Variants in CHRDL1 observed in about 807,000 individuals in gnomAD.
CHRDL1 encodes the protein chordin like 1.
A neutral mutation model predicts 40.9 loss-of-function variants in CHRDL1; 19 were observed. The observed-to-expected ratio is 0.46, with a 90% CI of 0.32 to 0.68. The LOEUF is 0.68. Among genes scored for constraint, CHRDL1 ranks in the 30% least tolerant of loss-of-function variants. CHRDL1 has a pLI of 0.03. For synonymous variants in CHRDL1, 136 were observed against 123.4 expected, an observed-to-expected ratio of 1.10 and a Z score of -0.68; for missense variants, 329 against 352.1, an observed-to-expected ratio of 0.93 and a Z score of 0.53.
chrX:110,709,122 T>G (rs1037000058), intron 6 of CHRDL1, among the ~76,000 whole-genome samples: 2 of 112,631 alleles, frequency 1.8e-5, no homozygotes, highest in Non-Finnish European at 3.7e-5. Context: ...ATTGCTAAAA[T>G]GGAGACAATA....
At position 110,697,814 on chromosome X, in the gene CHRDL1, C is replaced by CCACACA. The variant is rs60454872; in HGVS notation, c.609+2834_609+2839dup. On this transcript the variant is annotated intron_variant, in intron 7 of 11. Transcript: ENST00000372042. ...CTTCCTCCCCACATACCACACCACT[C>CCACACA]CACACACACACACACACACACACAC... Among the ~76,000 whole-genome samples the CCACACA allele has an allele frequency of 3.8e-4, 21 of 55,132 alleles. No individual in the cohort carries two copies. In the East Asian group the frequency reaches 4.3e-3, roughly 11 times the overall value. The allele number at this position is 55,132 out of a possible 115,157, so 47.9% of individuals were successfully genotyped here.
chrX:110,698,468 C>A (rs910868908), intron 7 of CHRDL1, among the ~76,000 whole-genome samples: 1 of 111,982 alleles, frequency 8.9e-6, no homozygotes, highest in Non-Finnish European at 1.9e-5. Context: ...TCATATCCCA[C>A]AATATCTATC....
In CHRDL1 at chrX:110,709,449, A is replaced by G. The variant is rs138561637; in HGVS notation, c.542-8728T>C. ...CATGCCTGCACATTGAAAAGGAATC[A>G]TTTCATCTCTAAATCATTGGAAGAC... On this transcript the variant is annotated intron_variant, in intron 6 of 11. Transcript: ENST00000372042. Among the ~76,000 whole-genome samples, 63 of 112,374 alleles carry G rather than the reference A, an allele frequency of 5.6e-4. No homozygotes were observed. In the East Asian group the frequency reaches 0.015, roughly 26 times the overall value.
At chrX:110,729,037 G>A (rs1339376981) in intron 4 of CHRDL1, among the ~76,000 whole-genome samples, 10 of 112,137 alleles carry the variant, frequency 8.9e-5, no homozygotes, top group Non-Finnish European at 1.5e-4. Flanking sequence ...TGAGGCAGGA[G>A]AATCGCTTGA....
intron 9 of CHRDL1, among the ~76,000 whole-genome samples, chrX:110,681,953 T>C (rs1322256100): frequency 5.4e-5 from 6 of 111,660 alleles, no homozygotes; most frequent in Admixed American, 9.5e-5. Context: ...CACTGAGAAG[T>C]GGACTTTCAT....
intron 6 of CHRDL1, among the ~76,000 whole-genome samples, chrX:110,719,072 C>T (rs1018534246): frequency 9.0e-6 from 1 of 111,342 alleles, no homozygotes; most frequent in African/African-American, 3.3e-5. Context: ...TAGCACAATG[C>T]TGAGCATACA....
chrX:110,689,711 A>ATATC (rs1352843185), intron 8 of CHRDL1, among the ~76,000 whole-genome samples: 2 of 31,449 alleles, frequency 6.4e-5, no homozygotes, highest in East Asian at 4.6e-4. Context: ...ATATATCTAT[A>ATATC]TATATATCTA....
At chrX:110,759,925 C>T (rs1358024028) in intron 3 of CHRDL1, among the ~76,000 whole-genome samples, 171 bp from the exon 4 acceptor site, 1 of 111,620 alleles carries the variant, frequency 9.0e-6, no homozygotes, top group African/African-American at 3.3e-5. Flanking sequence ...AGCACCTCTG[C>T]TGGGTTGGTT....
At chrX:110,740,115 A>G (rs745982876) in intron 4 of CHRDL1, among the ~76,000 whole-genome samples, 1 of 112,639 alleles carries the variant, frequency 8.9e-6, no homozygotes, top group South Asian at 3.7e-4. Flanking sequence ...CCATGTATCA[A>G]TGTCAATGAC....
intron 2 of CHRDL1, among the ~76,000 whole-genome samples, chrX:110,787,646 C>T (rs893548948): frequency 8.9e-6 from 1 of 112,095 alleles, no homozygotes; most frequent in Non-Finnish European, 1.9e-5. Context: ...TAAGTATCTT[C>T]TTCCTTCCCT....
intron 2 of CHRDL1, among the ~76,000 whole-genome samples, chrX:110,776,615 G>A (rs1314446700): frequency 9.0e-6 from 1 of 110,862 alleles, no homozygotes; most frequent in African/African-American, 3.3e-5. Flanking sequence ...ACTGTGGGGG[G>A]AGGGAAAGTA....
In CHRDL1 at chrX:110,689,062, ATATATATATG is replaced by A. The variant is rs1386563900; in HGVS notation, c.779-269_779-260del. Among the ~76,000 whole-genome samples the A allele has an allele frequency of 2.3e-3, 48 of 20,533 alleles. 2 individuals are homozygous for A. In the African/African-American group the frequency reaches 0.037, roughly 16 times the overall value. The allele number at this position is 20,533 out of a possible 115,157, so 17.8% of individuals were successfully genotyped here. A position where few individuals can be genotyped will look rare whatever the true frequency, so the allele number is the denominator to read the frequency against. On this transcript the variant is annotated intron_variant, in intron 8 of 11. Transcript: ENST00000372042. ...CTCAGACATAGTAGGCAGTCCATAA[ATATATATATG>A]TATATATATATATATATATATATAT...
chrX:110,673,864 C>T lies in CHRDL1; in HGVS notation c.*2367G>A, dbSNP rs1018859043. ...TGCAACAAGACTACAGATGATTTTT[C>T]AAAATTAACTTTTTTATTAATTTAA... On this transcript the variant is annotated 3_prime_UTR_variant, in exon 12 of 12. Coordinates refer to ENST00000372042, the MANE Select transcript of CHRDL1 (RefSeq NM_001143981.2). The T allele has an allele frequency of 1.8e-5, 2 of 111,996 alleles. No homozygotes were observed. The highest frequency in any genetic ancestry group is 6.5e-5 in the African/African-American group (2 of 30,801). 9.2% of individuals were successfully genotyped at this position (111,996 alleles called of 1,213,427 possible).
At chrX:110,698,939 A>T (rs767289288) in intron 7 of CHRDL1, among the ~76,000 whole-genome samples, 30 of 112,408 alleles carry the variant, frequency 2.7e-4, no homozygotes, top group African/African-American at 9.4e-4. Context: ...TGAGAAAAAG[A>T]GGAACAGACA....
Position 110,732,141 on chromosome X carries a change from G to A in CHRDL1, c.302-10611C>T, listed in dbSNP as rs145123469. Among the ~76,000 whole-genome samples the A allele has an allele frequency of 5.2e-3, 579 of 111,379 alleles. 2 individuals are homozygous for A. Among genetic ancestry groups the A allele is most frequent in the African/African-American group, 0.018 (558 of 30,654 alleles). On this transcript the variant is annotated intron_variant, in intron 4 of 11. Transcript: ENST00000372042. ...AGAGAAAGGTAAATTAAAAAGAAAG[G>A]GAGAATCACAAATGGGTAGAGGGAG...
chrX:110,738,538 C>T (rs1173443923), intron 4 of CHRDL1, among the ~76,000 whole-genome samples: 1 of 109,984 alleles, frequency 9.1e-6, no homozygotes, highest in Non-Finnish European at 1.9e-5. Context: ...GTCAAGAGAT[C>T]GAGACCATCC....
At chrX:110,682,670 A>G (rs2069926587) in intron 9 of CHRDL1, among the ~76,000 whole-genome samples, 1 of 112,317 alleles carries the variant, frequency 8.9e-6, no homozygotes. Flanking sequence ...CTGTTAGCCA[A>G]TCAGACACAT....
chrX:110,683,972 T>C (rs1342753369), intron 9 of CHRDL1, among the ~76,000 whole-genome samples: 1 of 112,238 alleles, frequency 8.9e-6, no homozygotes. Flanking sequence ...CTCTCCCCTG[T>C]ATGTCAGCCC....
intron 8 of CHRDL1, among the ~76,000 whole-genome samples, chrX:110,691,284 C>T (rs1359670760): frequency 9.4e-6 from 1 of 106,416 alleles, no homozygotes; most frequent in African/African-American, 3.4e-5. Flanking sequence ...AGGGAAGGGG[C>T]CACAGGAGTA....
Sources: allele counts gnomAD v4.1 joint callset (sites outside exome capture counted in the v4.1 genomes callset), GRCh38; gene constraint gnomAD v4.1.1; transcripts MANE v1.5; gene names NCBI Gene and HGNC (gene_info 2026-07-23, HGNC 2026-07-21).